The following DIO1 variants were observed in gnomAD, a reference collection of about 807,000 sequenced individuals.
DIO1 encodes the protein type I iodothyronine deiodinase.
Under a neutral mutation model 25.9 loss-of-function variants are expected in DIO1, and 17 were observed. The observed-to-expected ratio is 0.66, with a 90% CI of 0.45 to 0.98. The LOEUF (loss-of-function observed/expected upper bound fraction) is 0.98, where lower values mean the gene tolerates loss of function less well. Among genes scored for constraint, DIO1 ranks in the 50% least tolerant of loss-of-function variants. The pLI is 0.00. For missense variants in DIO1, 270 were observed against 310.4 expected (o/e 0.87, Z 0.98); for synonymous variants, 115 against 114.0 (o/e 1.01, Z -0.05).
At chr1:53,900,471 G>A (rs1313780333) in intron 1 of DIO1, among the ~76,000 whole-genome samples, 1 of 152,182 alleles carries the variant, frequency 6.6e-6, no homozygotes, top group African/African-American at 2.4e-5. Context: ...AGGCATGGTG[G>A]TGCACGCTTG....
intron 1 of DIO1, among the ~76,000 whole-genome samples, chr1:53,903,691 A>C (rs898339585): frequency 1.3e-5 from 2 of 151,888 alleles, no homozygotes; most frequent in African/African-American, 4.9e-5. Context: ...TCTACTAAAA[A>C]TACAAAAATT....
At chr1:53,906,649 G>A (rs976147126) in intron 3 of DIO1, among the ~76,000 whole-genome samples, 1 of 151,068 alleles carries the variant, frequency 6.6e-6, no homozygotes, top group South Asian at 2.1e-4. Context: ...CTGTTTTTTG[G>A]GTTTCTTTCT....
In DIO1 at chr1:53,909,458, G is replaced by A. The variant is rs541469540; in HGVS notation, c.682-473G>A. Among the ~76,000 whole-genome samples the A allele has an allele frequency of 1.3e-3, 204 of 152,212 alleles. 2 individuals are homozygous for A. The highest frequency in any genetic ancestry group is 4.6e-3 in the African/African-American group (191 of 41,542). On this transcript the variant is annotated intron_variant, in intron 3 of 3. Coordinates refer to ENST00000361921, the MANE Select transcript of DIO1 (RefSeq NM_000792.7). ...GTTCACTGGTTCCTGGTTGAAAAAT[G>A]GACAGGAGGGAGCAGGGACTAAGGA...
Position 53,894,544 on chromosome 1 carries a change from C to G in DIO1, c.334C>G (p.Gln112Glu). 6.2e-7 allele frequency: 1 copy of G among 1,612,112 alleles called. No homozygotes were observed. ...GQRCNIWEFM[Q>E]GNRPLVLNFG... ...GAGGTGCAACATTTGGGAGTTTATG[C>G]AAGGTCAGGAGGCTGCCACACACTT... The change falls in exon 1 of 4, where the codon CAA (glutamine) becomes GAA (glutamate). Residue 112 changes from glutamine (Q) to glutamate (E), a missense_variant. By Grantham distance (29) the Gln-to-Glu change is conservative. Coordinates refer to ENST00000361921, the MANE Select transcript of DIO1 (RefSeq NM_000792.7). The surrounding 1 kb of genome is among the most constrained non-coding windows in gnomAD (Gnocchi z 4.9).
chr1:53,896,210 CTTTTTTTTTT>C (rs199555423), intron 1 of DIO1, among the ~76,000 whole-genome samples: 4 of 103,574 alleles, frequency 3.9e-5, no homozygotes, highest in Non-Finnish European at 5.4e-5. Flanking sequence ...TTCTTTTTCT[CTTTTTTTTTT>C]TTTTTTTTTT....
At position 53,898,612 on chromosome 1, in the gene DIO1, G is replaced by A. The variant is rs575623809; in HGVS notation, c.337+4065G>A. 5.3e-5 allele frequency among the ~76,000 whole-genome samples: 8 copies of A among 152,168 alleles called. No individual in the cohort carries two copies. In the South Asian group the frequency reaches 1.7e-3, roughly 32 times the overall value. On this transcript the variant is annotated intron_variant, in intron 1 of 3. Coordinates refer to ENST00000361921, the MANE Select transcript of DIO1 (RefSeq NM_000792.7). ...ATACAAAAATTAGCCGGGCATCGTG[G>A]CATGCGCCTGTAATCCCAGCTCCTT...
intron 1 of DIO1, among the ~76,000 whole-genome samples, chr1:53,900,982 CTTTTTTTT>C (rs71063891): frequency 0.068 from 4,886 of 72,050 alleles, 149 homozygotes; most frequent in East Asian, 0.14. Context: ...GGCCAGCTAA[CTTTTTTTT>C]TTTTTTTTTT....
chr1:53,897,902 G>T (rs1651162340), intron 1 of DIO1, among the ~76,000 whole-genome samples: 1 of 151,946 alleles, frequency 6.6e-6, no homozygotes, highest in African/African-American at 2.4e-5. Flanking sequence ...TAAGAGGAGG[G>T]GACTGAAGCA....
intron 1 of DIO1, among the ~76,000 whole-genome samples, chr1:53,896,033 C>T (rs1204208909): frequency 6.6e-6 from 1 of 152,038 alleles, no homozygotes; most frequent in Admixed American, 6.6e-5. Context: ...CTGCTCAGCA[C>T]CTGGTACCTA....
At chr1:53,908,175 T>A (rs1325205456) in intron 3 of DIO1, among the ~76,000 whole-genome samples, 1 of 151,222 alleles carries the variant, frequency 6.6e-6, no homozygotes, top group Non-Finnish European at 1.5e-5. Context: ...TGAGCCGAGA[T>A]CGCACCACTG....
chr1:53,905,183 T>TTTC (rs1553158384), intron 2 of DIO1, among the ~76,000 whole-genome samples: 72 of 149,142 alleles, frequency 4.8e-4, no homozygotes, highest in Non-Finnish European at 6.5e-4. Context: ...TTTTTTTTTT[T>TTTC]TTTGAGATAG....
chr1:53,909,987 G>C lies in DIO1; in HGVS notation c.738G>C (p.Lys246Asn). 1 of 1,614,130 alleles carries C rather than the reference G, an allele frequency of 6.2e-7. No individual in the cohort carries two copies. The highest frequency in any genetic ancestry group is 1.7e-5 in the Admixed American group (1 of 60,020). ...NPEEVRAVLE[K>N]LHS is the part of the protein sequence containing the mutation. ...AGGAAGTTCGTGCTGTTCTGGAAAA[G>C]CTCCACAGTTAATCTGGACAGATAC... The change falls in exon 4 of 4, where the codon AAG becomes AAC. Residue 246 changes from lysine (K) to asparagine (N), a missense_variant. Lys to Asn is a moderately conservative substitution (Grantham distance 94). Transcript: ENST00000361921.
Position 53,910,958 on chromosome 1 carries a change from ACT to A in DIO1, c.*962_*963del, listed in dbSNP as rs1472056209. ...TAGCCATTGGTATTCATCTATTTTAACTCTGTGTCTTTACATATTTGTTTATG... is the reference window on the plus strand; with the variant it reads ...TAGCCATTGGTATTCATCTATTTTAACTGTGTCTTTACATATTTGTTTATG... On this transcript the variant is annotated 3_prime_UTR_variant, in exon 4 of 4. Coordinates refer to ENST00000361921, the MANE Select transcript of DIO1 (RefSeq NM_000792.7). 1.0e-4 allele frequency: 16 copies of A among 152,630 alleles called. No homozygotes were observed. Among genetic ancestry groups the A allele is most frequent in the Admixed American group, 7.2e-4 (11 of 15,284 alleles). 9.5% of individuals were successfully genotyped at this position (152,630 alleles called of 1,614,324 possible). A position where few individuals can be genotyped will look rare whatever the true frequency, so the allele number is the denominator to read the frequency against.
chr1:53,898,079 C>G (rs539011406), intron 1 of DIO1, among the ~76,000 whole-genome samples: 1 of 152,216 alleles, frequency 6.6e-6, no homozygotes, highest in East Asian at 1.9e-4. Flanking sequence ...GCAGAGGGCA[C>G]TGGGGGCAGG....
intron 3 of DIO1, among the ~76,000 whole-genome samples, chr1:53,909,165 C>T (rs143475518): frequency 0.024 from 3,566 of 150,154 alleles, 149 homozygotes; most frequent in African/African-American, 0.083. Context: ...CCTGTAATCC[C>T]GGCACTTTGG....
At chr1:53,897,304 C>T (rs748899237) in intron 1 of DIO1, among the ~76,000 whole-genome samples, 4 of 151,976 alleles carry the variant, frequency 2.6e-5, no homozygotes, top group East Asian at 3.9e-4. Flanking sequence ...GATGAAACCT[C>T]GTCTCTACTA....
At chr1:53,901,613 C>T (rs947250033) in intron 1 of DIO1, among the ~76,000 whole-genome samples, 2 of 152,106 alleles carry the variant, frequency 1.3e-5, no homozygotes, top group East Asian at 1.9e-4. Context: ...GGGCAGAGTG[C>T]GAACCTGGCC....
rs1450818449 is a variant in DIO1, at chr1:53,910,236, C to T, written c.*237C>T. The T allele has an allele frequency of 3.9e-6, 2 of 513,300 alleles. No individual in the cohort carries two copies. Among genetic ancestry groups the T allele is most frequent in the Admixed American group, 3.2e-5 (1 of 31,474 alleles). 31.8% of individuals were successfully genotyped at this position (513,300 alleles called of 1,614,324 possible). On this transcript the variant is annotated 3_prime_UTR_variant, in exon 4 of 4. Transcript: ENST00000361921. Reference sequence around the variant, plus strand: ...CACTTGAGCTGTTCAGGCCAGTTCCCTGTTGAAGAAACAGTTCCCTGTTGA... The same window carrying T: ...CACTTGAGCTGTTCAGGCCAGTTCCTTGTTGAAGAAACAGTTCCCTGTTGA...
intron 3 of DIO1, 60 bp from the exon 4 acceptor site, chr1:53,909,871 T>A: frequency 6.5e-7 from 1 of 1,545,206 alleles, no homozygotes; most frequent in East Asian, 2.2e-5. Context: ...CAGACCTACA[T>A]GTTCCTTACA....
Sources: allele counts gnomAD v4.1 joint callset (sites outside exome capture counted in the v4.1 genomes callset), GRCh38; gene constraint gnomAD v4.1.1; non-coding constraint Gnocchi (gnomAD v3.1); transcripts MANE v1.5; gene names NCBI Gene and HGNC (gene_info 2026-07-23, HGNC 2026-07-21).